ATF7IP: variants seen among roughly 807,000 people sequenced by gnomAD.
ATF7IP encodes activating transcription factor 7-interacting protein 1.
A neutral mutation model predicts 106.4 loss-of-function variants in ATF7IP; 23 were observed. The observed-to-expected ratio is 0.22, with a 90% CI of 0.16 to 0.31. ATF7IP has a LOEUF of 0.31. ATF7IP is among the 10% of genes least tolerant of loss of function. The pLI, the probability that ATF7IP is intolerant of heterozygous loss-of-function variation, is 1.00. For missense variants in ATF7IP, 1,334 were observed against 1,524.3 expected, an observed-to-expected ratio of 0.88 and a Z score of 2.08; for synonymous variants, 542 against 539.0, an observed-to-expected ratio of 1.01 and a Z score of -0.08.
chr12:14,439,440 G>A lies in ATF7IP; in HGVS notation c.1929+1173G>A, dbSNP rs536022455. Among the ~76,000 whole-genome samples, 7 of 152,206 alleles carry A rather than the reference G, an allele frequency of 4.6e-5. No individual in the cohort carries two copies. The East Asian group carries it at 1.3e-3, about 29-fold the overall frequency. On this transcript the variant is annotated intron_variant, in intron 5 of 14. Transcript: ENST00000261168. ...TTTTACTAGTACTGTTCAGACTTTTGAATTAAATTTGAAAATGCCTGAAGA... is the reference window on the plus strand; with the variant it reads ...TTTTACTAGTACTGTTCAGACTTTTAAATTAAATTTGAAAATGCCTGAAGA...
intron 1 of ATF7IP, among the ~76,000 whole-genome samples, chr12:14,423,574 C>CTTTTTTTTTTT: frequency 2.9e-4 from 10 of 34,390 alleles, no homozygotes; most frequent in African/African-American, 5.9e-4. Context: ...TCTTCAGGTA[C>CTTTTTTTTTTT]TTTTTTTTTT....
chr12:14,383,820 C>G (rs1591765761), intron 1 of ATF7IP, among the ~76,000 whole-genome samples: 2 of 152,232 alleles, frequency 1.3e-5, no homozygotes, highest in East Asian at 1.9e-4. Flanking sequence ...CCTTGGCCTC[C>G]CAGAGTGTTG....
intron 13 of ATF7IP, among the ~76,000 whole-genome samples, chr12:14,482,834 A>G (rs942206926): frequency 6.6e-6 from 1 of 152,210 alleles, no homozygotes; most frequent in African/African-American, 2.4e-5. Context: ...TAAAGAGAGT[A>G]ATAAGGCCAT....
intron 13 of ATF7IP, among the ~76,000 whole-genome samples, chr12:14,487,588 A>C (rs1046497549): frequency 6.6e-6 from 1 of 152,116 alleles, no homozygotes; most frequent in Non-Finnish European, 1.5e-5. Flanking sequence ...AAGCTGTTCC[A>C]ATCAATACCC....
chr12:14,490,486 A>G (rs965784933), intron 13 of ATF7IP, among the ~76,000 whole-genome samples: 4 of 152,174 alleles, frequency 2.6e-5, no homozygotes, highest in Non-Finnish European at 4.4e-5. Flanking sequence ...TTTCTAAGCA[A>G]AGCACACAGC....
chr12:14,495,120 T>C (rs1300738539), intron 13 of ATF7IP, among the ~76,000 whole-genome samples: 1 of 152,090 alleles, frequency 6.6e-6, no homozygotes, highest in African/African-American at 2.4e-5. Context: ...TTCACGTTTT[T>C]CTGCCTGCTT....
chr12:14,449,568 A>ACC (rs980092078), intron 6 of ATF7IP, among the ~76,000 whole-genome samples: 1 of 88,316 alleles, frequency 1.1e-5, no homozygotes, highest in Non-Finnish European at 2.0e-5. Flanking sequence ...TGGTTCCCCC[A>ACC]CCCCCCGCCC....
intron 1 of ATF7IP, among the ~76,000 whole-genome samples, chr12:14,397,823 A>C (rs1939938421): frequency 6.6e-6 from 1 of 152,102 alleles, no homozygotes; most frequent in African/African-American, 2.4e-5. Context: ...GTCCTTCTTT[A>C]TCTGTGATGC....
chr12:14,490,526 GAGA>G (rs1944779164), intron 13 of ATF7IP, among the ~76,000 whole-genome samples: 1 of 152,194 alleles, frequency 6.6e-6, no homozygotes, highest in Admixed American at 6.5e-5. Flanking sequence ...TCTGCCCACT[GAGA>G]AGATGTTCCT....
rs1278500623 is a variant in ATF7IP at position 14,469,734 on chromosome 12, T to G, written c.2862+3144T>G. Among the ~76,000 whole-genome samples, 3 of 152,166 alleles carry G rather than the reference T, an allele frequency of 2.0e-5. No individual in the cohort carries two copies. The East Asian group carries it at 5.8e-4, about 29-fold the overall frequency. ...ACCCAGTAGTAGGTTATACTCACCA[T>G]TATGATTTGTCACAGCAAAAGGTAT... On this transcript the variant is annotated intron_variant, in intron 10 of 14. Transcript: ENST00000261168.
chr12:14,424,145 T>C lies in ATF7IP; in HGVS notation c.230T>C (p.Ile77Thr). The C allele has an allele frequency of 6.2e-7, 1 of 1,614,156 alleles. No homozygotes were observed. The highest frequency in any genetic ancestry group is 1.1e-5 in the South Asian group (1 of 91,084). Reference protein sequence around the residue: ...DKEEVNGIEEICFDPEGSKAE... With the variant: ...DKEEVNGIEETCFDPEGSKAE... ...GAAGAGGTGAATGGCATTGAAGAGA[T>C]TTGTTTTGATCCTGAAGGAAGTAAA... is the stretch of plus-strand genomic sequence containing the variant. The change falls in exon 2 of 15, where the codon ATT becomes ACT. Residue 77 changes from isoleucine (I) to threonine (T), a missense_variant. Physicochemically the swap from Ile to Thr is moderately conservative, Grantham distance 89. Transcript: ENST00000261168.
intron 1 of ATF7IP, among the ~76,000 whole-genome samples, chr12:14,387,239 T>C (rs754712583): frequency 5.3e-5 from 8 of 152,186 alleles, no homozygotes; most frequent in African/African-American, 7.2e-5. Context: ...TCAATGTGTT[T>C]GAGGGATTCT....
At chr12:14,386,438 G>A (rs75209014) in intron 1 of ATF7IP, among the ~76,000 whole-genome samples, 7,764 of 152,128 alleles carry the variant, frequency 0.051, 675 homozygotes, top group African/African-American at 0.18. Flanking sequence ...GGTTTTGTCC[G>A]TAGAGTATTA....
chr12:14,437,820 G>A (rs1440873809), intron 4 of ATF7IP, among the ~76,000 whole-genome samples: 2 of 152,094 alleles, frequency 1.3e-5, no homozygotes, highest in Admixed American at 6.5e-5. Context: ...TTGGGAGGCC[G>A]AGGCGGGCGG....
At chr12:14,437,611 G>C (rs1049927039) in intron 4 of ATF7IP, among the ~76,000 whole-genome samples, 1 of 152,074 alleles carries the variant, frequency 6.6e-6, no homozygotes, top group Non-Finnish European at 1.5e-5. Context: ...TTACTCTCTG[G>C]AAATTTTCTA....
chr12:14,401,408 G>T (rs1245513194), intron 1 of ATF7IP, among the ~76,000 whole-genome samples: 2 of 152,114 alleles, frequency 1.3e-5, no homozygotes, highest in African/African-American at 4.8e-5. Context: ...TGTTGGCCAG[G>T]CAGGTCTTAA....
rs1202934840 is a variant in ATF7IP, at chr12:14,499,912, C to T, written c.*1839C>T. 1 of 152,108 alleles carries T rather than the reference C, an allele frequency of 6.6e-6. No homozygotes were observed. Among genetic ancestry groups the T allele is most frequent in the Admixed American group, 6.5e-5 (1 of 15,270 alleles). The allele number at this position is 152,108 out of a possible 1,614,324, so 9.4% of individuals were successfully genotyped here. A position where few individuals can be genotyped will look rare whatever the true frequency, so the allele number is the denominator to read the frequency against. On this transcript the variant is annotated 3_prime_UTR_variant, in exon 15 of 15. Coordinates refer to ENST00000261168, the MANE Select transcript of ATF7IP (RefSeq NM_018179.5). ...TCCTGTGTATCTCTCTGTTCCTCTT[C>T]AAAGTTATTAAAATTCAGCTTAGGT... is the stretch of plus-strand genomic sequence containing the variant.
chr12:14,474,908 T>C (rs1944204168), intron 10 of ATF7IP, among the ~76,000 whole-genome samples: 1 of 152,166 alleles, frequency 6.6e-6, no homozygotes, highest in South Asian at 2.1e-4. Context: ...ATTTTATAGA[T>C]TTTTGGTGTT....
intron 9 of ATF7IP, among the ~76,000 whole-genome samples, chr12:14,461,724 C>T (rs1420370683): frequency 6.6e-6 from 1 of 151,998 alleles, no homozygotes; most frequent in Non-Finnish European, 1.5e-5. Flanking sequence ...CTTGATTATA[C>T]CTGTTTAAAA....
Sources: allele counts gnomAD v4.1 joint callset (sites outside exome capture counted in the v4.1 genomes callset), GRCh38; gene constraint gnomAD v4.1.1; transcripts MANE v1.5; gene names NCBI Gene and HGNC (gene_info 2026-07-23, HGNC 2026-07-21).